The following TNKS variants were observed in gnomAD, a reference collection of about 807,000 sequenced individuals.
The protein encoded by TNKS is tankyrase, also known as poly [ADP-ribose] polymerase tankyrase-1.
A neutral mutation model predicts 135.8 loss-of-function variants in TNKS; 72 were observed. That is an observed-to-expected ratio of 0.53 (90% CI 0.44 to 0.64). The LOEUF is 0.64. Among genes scored for constraint, TNKS ranks in the 30% least tolerant of loss-of-function variants. The pLI, the probability that TNKS is intolerant of heterozygous loss-of-function variation, is 0.00. For synonymous variants in TNKS, 849 were observed against 649.3 expected (o/e 1.31, Z -4.68); for missense variants, 1,769 against 1,674.0 (o/e 1.06, Z -0.99).
rs74738759 is a variant in TNKS at position 9,571,456 on chromosome 8, C to G, written c.674-8703C>G. Among the ~76,000 whole-genome samples, 238 of 152,164 alleles carry G rather than the reference C, an allele frequency of 1.6e-3. 1 individual carries two copies. The highest frequency in any genetic ancestry group is 5.4e-3 in the African/African-American group (222 of 41,492). ...TTCTGGGGCAGAAAGTTAGTTGATT[C>G]CACGTTTTTTTCTTTTTTTGAGATG... On this transcript the variant is annotated intron_variant, in intron 1 of 26. Transcript: ENST00000310430.
intron 5 of TNKS, among the ~76,000 whole-genome samples, chr8:9,683,604 G>T (rs986097640): frequency 2.0e-5 from 3 of 151,556 alleles, no homozygotes; most frequent in Non-Finnish European, 4.4e-5. Context: ...AAATGTTTTT[G>T]GAAAAGAAAT....
intron 2 of TNKS, among the ~76,000 whole-genome samples, chr8:9,591,477 C>G (rs936615329): frequency 6.6e-6 from 1 of 152,186 alleles, no homozygotes; most frequent in Non-Finnish European, 1.5e-5. Context: ...GCTAAGTGCA[C>G]ATTGGACTGT....
At position 9,720,510 on chromosome 8, in the gene TNKS, A is replaced by G; in HGVS notation, c.1886A>G (p.Gln629Arg). 6.2e-7 allele frequency: 1 copy of G among 1,613,936 alleles called. No individual in the cohort carries two copies. Among genetic ancestry groups the G allele is most frequent in the Non-Finnish European group, 8.5e-7 (1 of 1,179,902 alleles). The part of the protein sequence containing the change: ...IISLQGFTAA[Q>R]MGNEAVQQIL... ...TCCTTACAAGGCTTCACAGCAGCAC[A>G]GATGGGCAATGAAGCAGTGCAGCAG... Residue 629 changes from glutamine (Q) to arginine (R), a missense_variant, in exon 12 of 27, where the codon CAG (glutamine) becomes CGG (arginine). Physicochemically the swap from Gln to Arg is conservative, Grantham distance 43. This residue lies in a region of TNKS where 523 missense variants were observed against 541.0 expected (regional missense o/e 0.97). Transcript: ENST00000310430.
At chr8:9,766,665 T>C (rs1012812317) in intron 25 of TNKS, among the ~76,000 whole-genome samples, 2 of 152,012 alleles carry the variant, frequency 1.3e-5, no homozygotes, top group African/African-American at 2.4e-5. Context: ...TTTGTATTTT[T>C]AGTAGAGATG....
chr8:9,583,549 C>T (rs530695987), intron 2 of TNKS, among the ~76,000 whole-genome samples: 4 of 151,916 alleles, frequency 2.6e-5, no homozygotes, highest in African/African-American at 9.6e-5. Flanking sequence ...AGTGCGGTGG[C>T]GCGATCTCTG....
chr8:9,636,359 CT>C (rs1317373012), intron 3 of TNKS, among the ~76,000 whole-genome samples: 1 of 147,778 alleles, frequency 6.8e-6, no homozygotes, highest in African/African-American at 2.5e-5. Context: ...GTCATGCCAT[CT>C]ATACTAGCTT....
chr8:9,669,312 G>A (rs1802158300), intron 3 of TNKS, among the ~76,000 whole-genome samples: 1 of 151,652 alleles, frequency 6.6e-6, no homozygotes, highest in East Asian at 1.9e-4. Flanking sequence ...CAGCTACTCG[G>A]GAGGCTGAGG....
chr8:9,766,267 T>C lies in TNKS; in HGVS notation c.3582T>C (p.His1194=), dbSNP rs202149533. 10 of 1,611,820 alleles carry C rather than the reference T, an allele frequency of 6.2e-6. No individual in the cohort carries two copies. The highest frequency in any genetic ancestry group is 8.5e-6 in the Non-Finnish European group (10 of 1,179,128). ...HGSPFINAII[H]KGFDERHAYI... ...CTCCTTTCATTAATGCCATTATTCA[T>C]AAAGGGTTTGATGAGCGACATGCAT... Residue 1194 remains histidine, a synonymous_variant, in exon 25 of 27, where the codon CAT becomes CAC. Transcript: ENST00000310430.
At chr8:9,607,676 A>C (rs10104247) in intron 2 of TNKS, among the ~76,000 whole-genome samples, 29,668 of 152,154 alleles carry the variant, frequency 0.19, 3,134 homozygotes, top group East Asian at 0.29. Flanking sequence ...GTTGTATTAT[A>C]CTATATAAAA....
At chr8:9,655,402 C>G (rs1197551978) in intron 3 of TNKS, among the ~76,000 whole-genome samples, 2 of 152,182 alleles carry the variant, frequency 1.3e-5, no homozygotes, top group African/African-American at 4.8e-5. Flanking sequence ...TAGTGGTTCT[C>G]CCAGCACGCA....
At chr8:9,693,645 C>A (rs1288825798) in intron 5 of TNKS, among the ~76,000 whole-genome samples, 1 of 151,792 alleles carries the variant, frequency 6.6e-6, no homozygotes, top group Non-Finnish European at 1.5e-5. Context: ...ATTTGTGAAG[C>A]CAGACCTGGA....
intron 2 of TNKS, among the ~76,000 whole-genome samples, chr8:9,608,890 G>A (rs1799337311): frequency 6.6e-6 from 1 of 152,162 alleles, no homozygotes; most frequent in Admixed American, 6.5e-5. Context: ...GCTGGCTACT[G>A]CCTGCAGTTA....
At chr8:9,717,474 C>T (rs1184073786) in intron 11 of TNKS, among the ~76,000 whole-genome samples, 1 of 152,052 alleles carries the variant, frequency 6.6e-6, no homozygotes, top group Non-Finnish European at 1.5e-5. Flanking sequence ...TTACCCTTCT[C>T]CCTCAATTTC....
rs1003534547 is a variant in TNKS at position 9,569,277 on chromosome 8, G to A, written c.674-10882G>A. Among the ~76,000 whole-genome samples, 3 of 152,152 alleles carry A rather than the reference G, an allele frequency of 2.0e-5. No individual in the cohort carries two copies. In the East Asian group the frequency reaches 5.8e-4, roughly 29 times the overall value. On this transcript the variant is annotated intron_variant, in intron 1 of 26. Coordinates refer to ENST00000310430, the MANE Select transcript of TNKS (RefSeq NM_003747.3). Reference sequence around the variant, plus strand: ...TTCTTAGTGTGGACATAGCTCCATAGCACACACACATCATAAGTGTACCGG... The same window carrying A: ...TTCTTAGTGTGGACATAGCTCCATAACACACACACATCATAAGTGTACCGG...
intron 3 of TNKS, among the ~76,000 whole-genome samples, chr8:9,662,405 C>T (rs1187220628): frequency 6.6e-6 from 1 of 152,130 alleles, no homozygotes; most frequent in Non-Finnish European, 1.5e-5. Context: ...CCATGGAATA[C>T]TATGCAGCCA....
At chr8:9,662,944 G>A (rs965093901) in intron 3 of TNKS, among the ~76,000 whole-genome samples, 7 of 152,144 alleles carry the variant, frequency 4.6e-5, no homozygotes, top group Admixed American at 6.5e-5. Flanking sequence ...AAAAGACTGC[G>A]GATGTGATTA....
chr8:9,638,539 C>T (rs4841187), intron 3 of TNKS, among the ~76,000 whole-genome samples: 149,041 of 152,340 alleles, frequency 0.98, 72,984 homozygotes, highest in East Asian at 1. Context: ...AGGAGATAAT[C>T]TTGAATGACA....
intron 1 of TNKS, among the ~76,000 whole-genome samples, chr8:9,573,615 C>G (rs1339975130): frequency 1.3e-5 from 2 of 152,118 alleles, no homozygotes; most frequent in East Asian, 1.9e-4. Context: ...CTAGACAACC[C>G]CAAACTTAGT....
intron 3 of TNKS, among the ~76,000 whole-genome samples, chr8:9,627,437 G>A (rs1335353017): frequency 2.0e-5 from 3 of 152,178 alleles, no homozygotes; most frequent in Non-Finnish European, 2.9e-5. Context: ...AGAAATGGCA[G>A]GTAGTCTTTG....
Sources: gnomAD v4.1 joint callset for allele counts (sites outside exome capture counted in the v4.1 genomes callset) on GRCh38, gnomAD v4.1.1 for gene constraint, gnomAD v4.1.1 regional missense constraint, MANE v1.5 for transcripts, NCBI Gene and HGNC (gene_info 2026-07-23, HGNC 2026-07-21) for gene names.